Variants in COL17A1 observed in about 807,000 individuals in gnomAD.
The protein encoded by COL17A1 is collagen alpha-1(XVII) chain.
COL17A1 carries 181 observed loss-of-function variants against 218.4 expected under a neutral mutation model. That is an observed-to-expected ratio of 0.83 (90% CI 0.73 to 0.94). The LOEUF is 0.94. COL17A1 is among the 40% of genes least tolerant of loss of function. The pLI is 0.00. For missense variants in COL17A1, 1,924 were observed against 1,945.9 expected (o/e 0.99, Z 0.21); for synonymous variants, 721 against 731.0 (o/e 0.99, Z 0.22).
At chr10:104,045,693 C>A in intron 33 of COL17A1, 65 bp downstream of exon 33, 1 of 1,339,822 alleles carries the variant, frequency 7.5e-7, no homozygotes, top group South Asian at 1.2e-5. Flanking sequence ...CTCCTCCTGT[C>A]CATCCCTTCC....
chr10:104,034,454 G>T, intron 51 of COL17A1, 120 bp from the exon 52 acceptor site: 1 of 1,469,480 alleles, frequency 6.8e-7, no homozygotes, highest in Non-Finnish European at 9.1e-7. Flanking sequence ...GAACTTCAGG[G>T]TTCTTGTACC....
intron 27 of COL17A1, 56 bp downstream of exon 27, chr10:104,050,565 G>A: frequency 1.2e-6 from 2 of 1,612,284 alleles, no homozygotes; most frequent in Non-Finnish European, 1.7e-6. Context: ...GTCCCATCTG[G>A]GCTCCCAGGA....
chr10:104,042,719 A>T (rs2086372456), intron 35 of COL17A1, among the ~76,000 whole-genome samples: 1 of 151,922 alleles, frequency 6.6e-6, no homozygotes, highest in African/African-American at 2.4e-5. Context: ...GCCTCTATGT[A>T]CTCCTTCTCA....
chr10:104,052,996 T>A, intron 23 of COL17A1, 35 bp downstream of exon 23: 3 of 1,600,272 alleles, frequency 1.9e-6, no homozygotes, highest in Non-Finnish European at 2.6e-6. Context: ...AGCACAGGCA[T>A]AGCTAACTCT....
intron 9 of COL17A1, among the ~76,000 whole-genome samples, chr10:104,068,832 A>T (rs1721097828): frequency 1.3e-5 from 2 of 152,228 alleles, no homozygotes; most frequent in Non-Finnish European, 2.9e-5. Context: ...CCCTAAGGTG[A>T]TATTAAAACC....
chr10:104,033,322 G>C lies in COL17A1; in HGVS notation c.4210C>G (p.Pro1404Ala), dbSNP rs1340012542. Residue 1404 changes from proline (P) to alanine (A), a missense_variant, in exon 53 of 56, where the codon CCT (proline) becomes GCT (alanine). Pro to Ala is a conservative substitution (Grantham distance 27). Transcript: ENST00000648076. ...AYTVQGPPGQPGPQGPPGISK... is the reference protein window; with the variant it reads ...AYTVQGPPGQAGPQGPPGISK... ...ATGCCGGGTGGCCCCTGTGGCCCAG[G>C]CTGGCCTGGTGGGCCCTGGACAGTG... The C allele has an allele frequency of 3.1e-6, 5 of 1,608,386 alleles. 1 individual carries two copies. Among genetic ancestry groups the C allele is most frequent in the Non-Finnish European group, 4.2e-6 (5 of 1,177,586 alleles).
rs1589555993 is a variant in COL17A1 at position 104,035,672 on chromosome 10, A to G, written c.3419-109T>C. On this transcript the variant is annotated intron_variant, in intron 48 of 55. Transcript: ENST00000648076. ...TGGACAGAAGTGGGGTCCAAGAAAG[A>G]AAAGAGATGGTGGCAGGAAGAGAGG... 4 of 850,314 alleles carry G rather than the reference A, an allele frequency of 4.7e-6. No homozygotes were observed. In the South Asian group the frequency reaches 6.7e-5, roughly 14 times the overall value. 52.7% of individuals were successfully genotyped at this position (850,314 alleles called of 1,614,324 possible).
intron 5 of COL17A1, among the ~76,000 whole-genome samples, chr10:104,075,046 C>T (rs1317367148): frequency 6.6e-6 from 1 of 152,156 alleles, no homozygotes; most frequent in Non-Finnish European, 1.5e-5. Flanking sequence ...TCCTGGTCTC[C>T]CCTTGTCCCT....
chr10:104,043,742 C>G (rs2086383910), intron 34 of COL17A1, 83 bp downstream of exon 34: 1 of 1,576,046 alleles, frequency 6.3e-7, no homozygotes, highest in African/African-American at 1.3e-5. Context: ...CCAGCCACAT[C>G]CTGCCCAGAA....
intron 55 of COL17A1, 64 bp from the exon 56 acceptor site, chr10:104,032,354 G>T: frequency 7.3e-7 from 1 of 1,372,814 alleles, no homozygotes; most frequent in Non-Finnish European, 1.0e-6. Context: ...ATCTTGGCTT[G>T]GGCAATTATG....
At position 104,064,615 on chromosome 10, in the gene COL17A1, A is replaced by G; in HGVS notation, c.608-19T>C. 1 of 1,606,454 alleles carries G rather than the reference A, an allele frequency of 6.2e-7. No individual in the cohort carries two copies. The highest frequency in any genetic ancestry group is 8.5e-7 in the Non-Finnish European group (1 of 1,175,174). ...CCTGACACTGGAAACAGACACATGC[A>G]CACACCCCAGTGAGAGACAAATCAA... is the stretch of plus-strand genomic sequence containing the variant. On this transcript the variant is annotated intron_variant, in intron 9 of 55. Transcript: ENST00000648076.
intron 20 of COL17A1, 140 bp downstream of exon 20, chr10:104,054,841 C>G: frequency 7.3e-7 from 1 of 1,367,750 alleles, no homozygotes; most frequent in Non-Finnish European, 1.0e-6. Context: ...GGATTGGAAA[C>G]CTCTCCTCCT....
In COL17A1 at chr10:104,039,615, T is replaced by C; in HGVS notation, c.2814A>G (p.Ser938=). 6.2e-7 allele frequency: 1 copy of C among 1,614,106 alleles called. No homozygotes were observed. The highest frequency in any genetic ancestry group is 8.5e-7 in the Non-Finnish European group (1 of 1,180,006). ...GCGGGGTTCAGCCCTTACCTGAGGT[T>C]GAGAAACCTGGGAGGCCTTGCTCGC... ...HQGEQGLPGF[S]TSGSSSFGLN... The change falls in exon 42 of 56, where the codon TCA becomes TCG. Residue 938 remains serine, a synonymous_variant. Coordinates refer to ENST00000648076, the MANE Select transcript of COL17A1 (RefSeq NM_000494.4).
In COL17A1 at chr10:104,061,420, C is replaced by A; in HGVS notation, c.964G>T (p.Val322Phe). The A allele has an allele frequency of 6.2e-7, 1 of 1,613,616 alleles. No homozygotes were observed. Among genetic ancestry groups the A allele is most frequent in the South Asian group, 1.1e-5 (1 of 91,048 alleles). ...CAGCACTCACCGGCGGAGGTGGAAA[C>A]GCCAGTGTTCACAGCCGCAGGACTC... Reference protein sequence around the residue: ...PQSPAAVNTGVSTSAACTTSV... With the variant: ...PQSPAAVNTGFSTSAACTTSV... Residue 322 changes from valine (V) to phenylalanine (F), a missense_variant, in exon 13 of 56, where the codon GTT (valine) becomes TTT (phenylalanine). Physicochemically the swap from Val to Phe is conservative, Grantham distance 50. Transcript: ENST00000648076.
intron 22 of COL17A1, 87 bp from the exon 23 acceptor site, chr10:104,053,222 C>A: frequency 6.8e-7 from 1 of 1,481,268 alleles, no homozygotes; most frequent in Non-Finnish European, 9.3e-7. Flanking sequence ...CAGACGCTTG[C>A]CTGGAGCCCT....
At chr10:104,051,672 C>T (rs1330189673) in intron 24 of COL17A1, among the ~76,000 whole-genome samples, 156 bp from the exon 25 acceptor site, 3 of 152,138 alleles carry the variant, frequency 2.0e-5, no homozygotes, top group East Asian at 3.9e-4. Context: ...TGCATGTCCT[C>T]CTTAGGGAGG....
rs114249568 is a variant in COL17A1, at chr10:104,081,653, T to A, written c.-11-969A>T. Among the ~76,000 whole-genome samples, 961 of 152,246 alleles carry A rather than the reference T, an allele frequency of 6.3e-3. 11 individuals are homozygous for A. Among genetic ancestry groups the A allele is most frequent in the African/African-American group, 0.023 (937 of 41,534 alleles). ...TAACTTTCTCTTCCTTCTAGTTTAT[T>A]TTTTGGTTGTAGTTGGAACTGGGTT... On this transcript the variant is annotated intron_variant, in intron 1 of 55. Transcript: ENST00000648076.
Position 104,051,523 on chromosome 10 carries a change from A to C in COL17A1, c.2003-7T>G. 2 of 1,614,034 alleles carry C rather than the reference A, an allele frequency of 1.2e-6. No homozygotes were observed. Among genetic ancestry groups the C allele is most frequent in the Non-Finnish European group, 1.7e-6 (2 of 1,180,024 alleles). On this transcript the variant is annotated splice_region_variant and splice_polypyrimidine_tract_variant and intron_variant, in intron 24 of 55. Coordinates refer to ENST00000648076, the MANE Select transcript of COL17A1 (RefSeq NM_000494.4). ...CCAGGAGAGCCGCTGGAACCTGAGA[A>C]GGAGGACAAGACAGCAATCAGCAGA... is the stretch of plus-strand genomic sequence containing the variant.
Position 104,031,531 on chromosome 10 carries a change from C to T in COL17A1, c.*704G>A, listed in dbSNP as rs1837857027. ...TTCCTTCCTTGTCCATTGCCCTCAACCTTCTTTTTCTGTTTGCTCTGGCCT... is the reference window on the plus strand; with the variant it reads ...TTCCTTCCTTGTCCATTGCCCTCAATCTTCTTTTTCTGTTTGCTCTGGCCT... On this transcript the variant is annotated 3_prime_UTR_variant, in exon 56 of 56. Coordinates refer to ENST00000648076, the MANE Select transcript of COL17A1 (RefSeq NM_000494.4). 1 of 152,334 alleles carries T rather than the reference C, an allele frequency of 6.6e-6. No homozygotes were observed. Among genetic ancestry groups the T allele is most frequent in the African/African-American group, 2.4e-5 (1 of 41,412 alleles). 9.4% of individuals were successfully genotyped at this position (152,334 alleles called of 1,614,324 possible). A position where few individuals can be genotyped will look rare whatever the true frequency, so the allele number is the denominator to read the frequency against.
Sources: gnomAD v4.1 joint callset for allele counts (sites outside exome capture counted in the v4.1 genomes callset) on GRCh38, gnomAD v4.1.1 for gene constraint, MANE v1.5 for transcripts, NCBI Gene and HGNC (gene_info 2026-07-23, HGNC 2026-07-21) for gene names.